WDR76: variants seen among roughly 807,000 people sequenced by gnomAD.
WDR76 encodes the protein WD repeat domain 76, also known as WD repeat-containing protein 76.
In WDR76, 52 loss-of-function variants were observed where a neutral mutation model predicts 70.2. The observed-to-expected ratio is 0.74, with a 90% CI of 0.59 to 0.93. The LOEUF is 0.93. Ranked by LOEUF, WDR76 falls within the 40% of genes least tolerant of loss-of-function variation. The pLI, the probability that WDR76 is intolerant of heterozygous loss-of-function variation, is 0.00. For missense variants in WDR76, 756 were observed against 760.2 expected, an observed-to-expected ratio of 0.99 and a Z score of 0.07; for synonymous variants, 292 against 271.1, an observed-to-expected ratio of 1.08 and a Z score of -0.76.
intron 8 of WDR76, among the ~76,000 whole-genome samples, chr15:43,846,280 CT>C (rs36022657): frequency 0.55 from 75,962 of 138,986 alleles, 23,844 homozygotes; most frequent in East Asian, 0.73. Flanking sequence ...TGGATAGAGA[CT>C]TTTTTTTTTT....
At chr15:43,842,570 A>G (rs746011143) in intron 6 of WDR76, 54 bp downstream of exon 6, 8 of 1,584,828 alleles carry the variant, frequency 5.0e-6, no homozygotes, top group Non-Finnish European at 6.9e-6. Context: ...GGAAATATAT[A>G]TATATGTAAA....
chr15:43,839,562 A>T (rs1212944723), intron 4 of WDR76, 43 bp from the exon 5 acceptor site: 3 of 1,565,964 alleles, frequency 1.9e-6, no homozygotes, highest in Non-Finnish European at 2.6e-6. Flanking sequence ...AATACATTTT[A>T]TTGTTTTGTG....
chr15:43,835,120 A>C lies in WDR76; in HGVS notation c.522A>C (p.Ala174=), dbSNP rs1374270814. The C allele has an allele frequency of 6.2e-7, 1 of 1,614,008 alleles. No individual in the cohort carries two copies. Among genetic ancestry groups the C allele is most frequent in the Non-Finnish European group, 8.5e-7 (1 of 1,180,024 alleles). Residue 174 remains alanine (A), a synonymous_variant, in exon 3 of 13, where the codon GCA becomes GCC. Coordinates refer to ENST00000263795, the MANE Select transcript of WDR76 (RefSeq NM_024908.4). ...GACTGAAGAACATATCAGAAAACGC[A>C]GACTTTTTTGCTTCTCTTCAGTTGT... The part of the protein sequence containing the change: ...RKRLKNISEN[A]DFFASLQLSE...
At chr15:43,850,197 G>T (rs537903362) in intron 8 of WDR76, among the ~76,000 whole-genome samples, 1 of 152,234 alleles carries the variant, frequency 6.6e-6, no homozygotes, top group Non-Finnish European at 1.5e-5. Flanking sequence ...TCCAGTTGTG[G>T]AAAGGATAGT....
chr15:43,837,556 C>G (rs1307916199), intron 4 of WDR76, among the ~76,000 whole-genome samples: 1 of 152,100 alleles, frequency 6.6e-6, no homozygotes, highest in Non-Finnish European at 1.5e-5. Context: ...TGAGATTTAG[C>G]AAATTTGGGT....
chr15:43,856,913 G>A (rs1158745973), intron 9 of WDR76, 33 bp from the exon 10 acceptor site: 2 of 1,562,982 alleles, frequency 1.3e-6, no homozygotes. Context: ...CAAGAAGAGT[G>A]TGATATAAGC....
At chr15:43,849,108 G>T (rs963809910) in intron 8 of WDR76, among the ~76,000 whole-genome samples, 16 of 151,016 alleles carry the variant, frequency 1.1e-4, no homozygotes, top group African/African-American at 3.9e-4. Flanking sequence ...CTGGGAGGTG[G>T]AGGTTGCAGT....
At chr15:43,856,315 T>C (rs972242186) in intron 9 of WDR76, among the ~76,000 whole-genome samples, 3 of 143,630 alleles carry the variant, frequency 2.1e-5, no homozygotes, top group Non-Finnish European at 4.4e-5. Flanking sequence ...AGATGTAGCC[T>C]GATTAACTGT....
rs779970035 is a variant in WDR76 at position 43,828,076 on chromosome 15, A to G, written c.172A>G (p.Asn58Asp). The G allele has an allele frequency of 2.5e-6, 4 of 1,614,206 alleles. No homozygotes were observed. The highest frequency in any genetic ancestry group is 3.4e-6 in the Non-Finnish European group (4 of 1,180,040). The part of the protein sequence containing the change: ...KVYLAPFSLS[N>D]YQLDQLMCPK... ...CTATCTTGCCCCCTTTTCACTCAGT[A>G]ATTACCAGCTAGACCAGCTTATGTG... Residue 58 changes from asparagine to aspartate, a missense_variant, in exon 2 of 13, where the codon AAT (asparagine) becomes GAT (aspartate). Transcript: ENST00000263795.
chr15:43,852,535 C>G (rs1567190029), intron 9 of WDR76, among the ~76,000 whole-genome samples: 1 of 152,040 alleles, frequency 6.6e-6, no homozygotes, highest in African/African-American at 2.4e-5. Flanking sequence ...CCATGCCAAG[C>G]TAATTTTTGT....
At chr15:43,858,928 A>G (rs2087964196) in intron 11 of WDR76, 105 bp downstream of exon 11, 4 of 1,386,882 alleles carry the variant, frequency 2.9e-6, no homozygotes, top group Admixed American at 2.3e-5. Context: ...TTAAATTGCT[A>G]GTGTTATTGT....
At chr15:43,841,536 C>T (rs1350071698) in intron 5 of WDR76, among the ~76,000 whole-genome samples, 1 of 152,068 alleles carries the variant, frequency 6.6e-6, no homozygotes, top group Non-Finnish European at 1.5e-5. Flanking sequence ...AATGGGGTTT[C>T]GCCATGTTGG....
intron 5 of WDR76, 46 bp from the exon 6 acceptor site, chr15:43,842,369 T>C (rs779917049): frequency 3.8e-6 from 6 of 1,570,488 alleles, no homozygotes; most frequent in Non-Finnish European, 5.2e-6. Context: ...GTGTTTATAT[T>C]CTAGGGCAGG....
intron 9 of WDR76, among the ~76,000 whole-genome samples, chr15:43,851,869 A>G (rs2087864206): frequency 6.6e-6 from 1 of 152,196 alleles, no homozygotes; most frequent in Admixed American, 6.5e-5. Flanking sequence ...CAGGAGTTCA[A>G]GATCAGCCTG....
intron 11 of WDR76, among the ~76,000 whole-genome samples, chr15:43,859,536 G>C (rs1289903281): frequency 6.6e-6 from 1 of 152,218 alleles, no homozygotes; most frequent in East Asian, 1.9e-4. Flanking sequence ...CTGTTCACCA[G>C]GCTCCAGAAT....
intron 2 of WDR76, among the ~76,000 whole-genome samples, chr15:43,829,355 A>G (rs893172567): frequency 1.3e-5 from 2 of 152,114 alleles, no homozygotes; most frequent in Admixed American, 1.3e-4. Context: ...AAAGGGAGAT[A>G]CTATAATTGA....
chr15:43,848,481 T>C (rs2087815872), intron 8 of WDR76, among the ~76,000 whole-genome samples: 2 of 152,156 alleles, frequency 1.3e-5, no homozygotes, highest in Non-Finnish European at 2.9e-5. Flanking sequence ...TTTCCTCTTT[T>C]CAATGAGGAA....
At position 43,835,132 on chromosome 15, in the gene WDR76, T is replaced by C; in HGVS notation, c.534T>C (p.Ala178=). Residue 178 remains alanine, a synonymous_variant, in exon 3 of 13, where the codon GCT becomes GCC. Transcript: ENST00000263795. The part of the protein sequence containing the change: ...KNISENADFF[A]SLQLSESAAR... ...TATCAGAAAACGCAGACTTTTTTGCTTCTCTTCAGTTGTCTGAGGTTTGTG... is the reference window on the plus strand; with the variant it reads ...TATCAGAAAACGCAGACTTTTTTGCCTCTCTTCAGTTGTCTGAGGTTTGTG... 1.2e-6 allele frequency: 2 copies of C among 1,614,136 alleles called. No homozygotes were observed. The highest frequency in any genetic ancestry group is 8.5e-7 in the Non-Finnish European group (1 of 1,180,018).
intron 8 of WDR76, among the ~76,000 whole-genome samples, chr15:43,844,481 G>C (rs2087762885): frequency 6.6e-6 from 1 of 151,980 alleles, no homozygotes. Flanking sequence ...TTAGCTGGGC[G>C]TGGTGGTAGG....
Sources: gnomAD v4.1 joint callset for allele counts (sites outside exome capture counted in the v4.1 genomes callset) on GRCh38, gnomAD v4.1.1 for gene constraint, MANE v1.5 for transcripts, NCBI Gene and HGNC (gene_info 2026-07-23, HGNC 2026-07-21) for gene names.